DOCK9: variants seen among roughly 807,000 people sequenced by gnomAD.
The protein encoded by DOCK9 is dedicator of cytokinesis 9, also known as dedicator of cytokinesis protein 9.
A neutral mutation model predicts 263.3 loss-of-function variants in DOCK9; 89 were observed. The observed-to-expected ratio is 0.34, with a 90% CI of 0.28 to 0.40. The LOEUF (loss-of-function observed/expected upper bound fraction) is 0.40. Among genes scored for constraint, DOCK9 ranks in the 10% least tolerant of loss-of-function variants. The probability of loss-of-function intolerance (pLI) is 1.00; values close to 1 mark genes in which losing one functional copy is unlikely to be tolerated. For missense variants in DOCK9, 2,140 were observed against 2,603.4 expected, an observed-to-expected ratio of 0.82 and a Z score of 3.87; for synonymous variants, 976 against 973.1, an observed-to-expected ratio of 1.00 and a Z score of -0.06.
At chr13:98,915,553 CT>C in intron 7 of DOCK9, 50 bp from the exon 8 acceptor site, 1 of 1,516,450 alleles carries the variant, frequency 6.6e-7, no homozygotes, top group African/African-American at 1.4e-5. Context: ...ATTAGAACTG[CT>C]TTAAAATAAT....
chr13:98,930,439 C>G (rs1813906169), intron 2 of DOCK9, among the ~76,000 whole-genome samples, 182 bp from the exon 3 acceptor site: 1 of 152,184 alleles, frequency 6.6e-6, no homozygotes, highest in Non-Finnish European at 1.5e-5. Context: ...GCCTCAAGTT[C>G]CAAAGCCAGG....
At chr13:98,958,282 G>A (rs1479530699) in intron 1 of DOCK9, among the ~76,000 whole-genome samples, 1 of 152,222 alleles carries the variant, frequency 6.6e-6, no homozygotes, top group Non-Finnish European at 1.5e-5. Flanking sequence ...TCCCCCCAGT[G>A]GGTGGCTCCC....
intron 47 of DOCK9, 72 bp from the exon 48 acceptor site, chr13:98,807,879 TTATTAC>T: frequency 7.7e-7 from 1 of 1,296,768 alleles, no homozygotes; most frequent in Non-Finnish European, 1.0e-6. Context: ...AAGCGTTCTT[TTATTAC>T]AAGGGGGAAA....
chr13:99,058,526 G>A (rs1227636478), intron 1 of DOCK9, among the ~76,000 whole-genome samples: 2 of 152,106 alleles, frequency 1.3e-5, no homozygotes, highest in African/African-American at 4.8e-5. Flanking sequence ...AGAACCAGAT[G>A]AGACATCTGC....
chr13:99,002,005 C>T (rs765630950), intron 1 of DOCK9, among the ~76,000 whole-genome samples: 2 of 152,184 alleles, frequency 1.3e-5, no homozygotes, highest in Non-Finnish European at 2.9e-5. Flanking sequence ...CGCTTACATC[C>T]GTCCTTCCTC....
chr13:98,835,232 A>C (rs540791196), intron 39 of DOCK9, among the ~76,000 whole-genome samples: 3 of 152,370 alleles, frequency 2.0e-5, no homozygotes, highest in African/African-American at 7.2e-5. Context: ...CCACAGAGCT[A>C]CACCTGCTAA....
intron 1 of DOCK9, among the ~76,000 whole-genome samples, chr13:98,999,048 C>T (rs1302083756): frequency 6.6e-6 from 1 of 152,104 alleles, no homozygotes; most frequent in Non-Finnish European, 1.5e-5. Flanking sequence ...TGATTTGTAT[C>T]ATCTCCCCCT....
Position 98,807,756 on chromosome 13 carries a change from G to A in DOCK9, c.5419C>T (p.Leu1807Phe). The change falls in exon 48 of 53, where the codon CTC (leucine) becomes TTC (phenylalanine). Residue 1807 changes from leucine (L) to phenylalanine (F), a missense_variant. Around this residue, in one of 2 missense-constraint regions of DOCK9, gnomAD observed 619 missense variants for 861.8 expected, o/e 0.72. Coordinates refer to ENST00000682017, the MANE Select transcript of DOCK9 (RefSeq NM_001366683.2). ...TGAGAAATTTCCGACAGCGGTGTGA[G>A]TTTGGGTTCCTTGTAAATATACTCC... ...GKEYIYKEPK[L>F]TPLSEISQRL... is the part of the protein sequence containing the mutation. 6.2e-7 allele frequency: 1 copy of A among 1,613,582 alleles called. No individual in the cohort carries two copies. Among genetic ancestry groups the A allele is most frequent in the Non-Finnish European group, 8.5e-7 (1 of 1,179,628 alleles).
At chr13:98,954,856 T>C (rs1046209584) in intron 2 of DOCK9, among the ~76,000 whole-genome samples, 1 of 111,810 alleles carries the variant, frequency 8.9e-6, no homozygotes, top group Admixed American at 9.0e-5. Flanking sequence ...AGCACTTTTA[T>C]TCAAGATACA....
intron 36 of DOCK9, 138 bp from the exon 37 acceptor site, chr13:98,848,777 A>G: frequency 2.1e-6 from 2 of 966,300 alleles, no homozygotes; most frequent in Non-Finnish European, 3.0e-6. Flanking sequence ...TTCATTCAGA[A>G]TGGTTTTTGG....
At chr13:98,887,785 A>G (rs148927176) in intron 18 of DOCK9, among the ~76,000 whole-genome samples, 5 of 152,226 alleles carry the variant, frequency 3.3e-5, no homozygotes, top group Middle Eastern at 3.4e-3. Flanking sequence ...TGTAGTAAAC[A>G]TTTAATAAAA....
At chr13:98,998,969 A>C (rs1453442785) in intron 1 of DOCK9, among the ~76,000 whole-genome samples, 2 of 152,168 alleles carry the variant, frequency 1.3e-5, no homozygotes, top group Non-Finnish European at 2.9e-5. Flanking sequence ...GAGAAAGGGA[A>C]GCAAGCTCGG....
intron 9 of DOCK9, among the ~76,000 whole-genome samples, chr13:98,906,643 T>C (rs2049145208): frequency 6.6e-6 from 1 of 152,196 alleles, no homozygotes; most frequent in Non-Finnish European, 1.5e-5. Flanking sequence ...CTTCTGTTGG[T>C]GACAGAACAA....
At chr13:99,054,676 C>A (rs187110557) in intron 1 of DOCK9, among the ~76,000 whole-genome samples, 134 of 152,310 alleles carry the variant, frequency 8.8e-4, no homozygotes, top group Admixed American at 2.2e-3. Context: ...TCTGATGAAA[C>A]CTGCTCCTCT....
chr13:98,979,753 G>GA (rs1212980236), upstream of DOCK9, among the ~76,000 whole-genome samples: 3 of 151,978 alleles, frequency 2.0e-5, no homozygotes, highest in South Asian at 4.2e-4. Context: ...AGTTACAACA[G>GA]AAAAAACCCA....
chr13:98,845,560 T>G (rs2093362965), intron 38 of DOCK9, among the ~76,000 whole-genome samples: 2 of 152,232 alleles, frequency 1.3e-5, no homozygotes, highest in Admixed American at 1.3e-4. Context: ...CCATCCCGAA[T>G]GTTCTCAGAG....
intron 1 of DOCK9, among the ~76,000 whole-genome samples, chr13:99,019,512 C>A (rs1377019062): frequency 6.6e-6 from 1 of 152,018 alleles, no homozygotes; most frequent in Non-Finnish European, 1.5e-5. Flanking sequence ...CTTATGACAC[C>A]AACAGTAAAT....
intron 1 of DOCK9, among the ~76,000 whole-genome samples, chr13:98,966,764 T>G (rs1436804501): frequency 1.3e-5 from 2 of 152,236 alleles, no homozygotes; most frequent in African/African-American, 4.8e-5. Flanking sequence ...GCAGGCAGTA[T>G]AGAGACCAGT....
chr13:98,907,892 T>C (rs992619509), intron 9 of DOCK9, among the ~76,000 whole-genome samples: 25 of 152,194 alleles, frequency 1.6e-4, no homozygotes, highest in African/African-American at 6.0e-4. Flanking sequence ...CTATTGATAA[T>C]AGCCAATATC....
Sources: allele counts gnomAD v4.1 joint callset (sites outside exome capture counted in the v4.1 genomes callset), GRCh38; gene constraint gnomAD v4.1.1; regional missense constraint gnomAD v4.1.1; transcripts MANE v1.5; gene names NCBI Gene and HGNC (gene_info 2026-07-23, HGNC 2026-07-21).